Variants in PCLO observed in about 807,000 individuals in gnomAD.
The protein encoded by PCLO is protein piccolo.
Under a neutral mutation model 427.5 loss-of-function variants are expected in PCLO, and 82 were observed. The observed-to-expected ratio is 0.19, with a 90% CI of 0.16 to 0.23. The LOEUF is 0.23. Ranked by LOEUF, PCLO falls within the 10% of genes least tolerant of loss-of-function variation. PCLO has a pLI of 1.00. For missense variants in PCLO, 6,239 were observed against 6,115.9 expected (o/e 1.02, Z -0.67); for synonymous variants, 2,357 against 2,155.4 (o/e 1.09, Z -2.59).
At chr7:83,007,977 T>C (rs1162064215) in intron 3 of PCLO, among the ~76,000 whole-genome samples, 5 of 151,696 alleles carry the variant, frequency 3.3e-5, no homozygotes, top group Admixed American at 2.6e-4. Flanking sequence ...CAGAATGATA[T>C]ATAATAAAAA....
intron 13 of PCLO, 64 bp from the exon 14 acceptor site, chr7:82,841,573 G>A: frequency 9.7e-7 from 1 of 1,027,524 alleles, no homozygotes; most frequent in South Asian, 1.4e-5. Context: ...TATCATTTCG[G>A]CTTCCTTCTG....
Position 82,954,463 on chromosome 7 carries a change from A to C in PCLO, c.6490T>G (p.Leu2164Val). Residue 2164 changes from leucine to valine, a missense_variant, in exon 5 of 25, where the codon TTG becomes GTG. This residue lies in a region of PCLO where 4,677 missense variants were observed against 4,468.4 expected (regional missense o/e 1.05). Transcript: ENST00000333891. ...QEIIAHESLI[L>V]TYSEPSESAT... ...CTTTCTGAAGGCTCCGAGTAGGTCA[A>C]AATCAGCGATTCATGGGCAATTATC... The C allele has an allele frequency of 6.2e-7, 1 of 1,614,004 alleles. No individual in the cohort carries two copies. The highest frequency in any genetic ancestry group is 8.5e-7 in the Non-Finnish European group (1 of 1,179,872).
chr7:82,995,334 A>G (rs1403945675), intron 3 of PCLO, among the ~76,000 whole-genome samples: 1 of 152,030 alleles, frequency 6.6e-6, no homozygotes, highest in Non-Finnish European at 1.5e-5. Flanking sequence ...AGAAGAGAGT[A>G]AAAGAGGAAT....
chr7:83,160,564 A>G (rs1792409925), intron 1 of PCLO, among the ~76,000 whole-genome samples: 1 of 152,064 alleles, frequency 6.6e-6, no homozygotes, highest in African/African-American at 2.4e-5. Flanking sequence ...ATTTTTTAGT[A>G]TTTGGATGAA....
chr7:82,965,156 A>T (rs1795735337), intron 4 of PCLO, among the ~76,000 whole-genome samples: 1 of 152,170 alleles, frequency 6.6e-6, no homozygotes, highest in South Asian at 2.1e-4. Flanking sequence ...CTGATTATAA[A>T]TAACCTTTCA....
intron 3 of PCLO, among the ~76,000 whole-genome samples, chr7:82,983,507 A>T (rs1049678564): frequency 1.3e-5 from 2 of 150,762 alleles, no homozygotes; most frequent in African/African-American, 4.8e-5. Flanking sequence ...GGAATGTTAT[A>T]AATGTTAACA....
At chr7:83,125,170 C>T (rs911530423) in intron 3 of PCLO, among the ~76,000 whole-genome samples, 1 of 152,110 alleles carries the variant, frequency 6.6e-6, no homozygotes, top group Non-Finnish European at 1.5e-5. Flanking sequence ...TCTGCCCGGC[C>T]GCCACCCCGT....
chr7:83,139,090 G>A (rs922913153), intron 2 of PCLO, among the ~76,000 whole-genome samples: 23 of 151,894 alleles, frequency 1.5e-4, no homozygotes, highest in African/African-American at 4.4e-4. Flanking sequence ...TTAAAGCCTC[G>A]TCATATTTTC....
At chr7:83,071,634 AT>A (rs1207247865) in intron 3 of PCLO, among the ~76,000 whole-genome samples, 1 of 152,144 alleles carries the variant, frequency 6.6e-6, no homozygotes, top group East Asian at 1.9e-4. Flanking sequence ...TAATTAGACA[AT>A]AATCAAATGC....
chr7:82,916,000 T>C lies in PCLO; in HGVS notation c.11986A>G (p.Thr3996Ala), dbSNP rs1205109267. Reference protein sequence around the residue: ...LMIAPVSTDNTFAVSHLGSKY... With the variant: ...LMIAPVSTDNAFAVSHLGSKY... ...CTACCAAGATGGGAAACAGCAAATG[T>C]GTTATCCGTAGAAACAGGTGCTATC... Residue 3996 changes from threonine (T) to alanine (A), a missense_variant, in exon 7 of 25, where the codon ACA becomes GCA. Coordinates refer to ENST00000333891, the MANE Select transcript of PCLO (RefSeq NM_033026.6). 3.7e-6 allele frequency: 6 copies of C among 1,612,830 alleles called. No homozygotes were observed. The South Asian group carries it at 5.5e-5, about 15-fold the overall frequency.
At chr7:82,943,680 G>A (rs1795135579) in intron 6 of PCLO, among the ~76,000 whole-genome samples, 1 of 152,016 alleles carries the variant, frequency 6.6e-6, no homozygotes, top group Non-Finnish European at 1.5e-5. Flanking sequence ...CAGTCTCATT[G>A]TGCAGAAGAA....
chr7:83,112,937 T>G lies in PCLO; in HGVS notation c.3300+21313A>C, dbSNP rs149300849. ...TCCATTTGTCCTCTAACATCAAAAT[T>G]CATTTCATTAAGCAGCTTAACTCTT... On this transcript the variant is annotated intron_variant, in intron 3 of 24. Coordinates refer to ENST00000333891, the MANE Select transcript of PCLO (RefSeq NM_033026.6). Among the ~76,000 whole-genome samples, 661 of 152,284 alleles carry G rather than the reference T, an allele frequency of 4.3e-3. 3 individuals are homozygous for G. The highest frequency in any genetic ancestry group is 0.015 in the African/African-American group (642 of 41,566).
At chr7:82,771,963 G>A (rs1360917069) in intron 22 of PCLO, among the ~76,000 whole-genome samples, 2 of 152,054 alleles carry the variant, frequency 1.3e-5, no homozygotes, top group Middle Eastern at 3.4e-3. Context: ...TTTGTTTTAT[G>A]TAGGGAGTTA....
rs758863814 is a variant in PCLO at position 83,135,565 on chromosome 7, T to C, written c.1985A>G (p.Lys662Arg). 10 of 1,613,614 alleles carry C rather than the reference T, an allele frequency of 6.2e-6. No homozygotes were observed. The South Asian group carries it at 1.1e-4, about 18-fold the overall frequency. Residue 662 changes from lysine to arginine, a missense_variant, in exon 3 of 25, where the codon AAG becomes AGG. Coordinates refer to ENST00000333891, the MANE Select transcript of PCLO (RefSeq NM_033026.6). ...PVPSSPQPKL[K>R]TAPVTTTSAV... Reference sequence around the variant, plus strand: ...TGATGTAGTGGTAACAGGTGCAGTCTTCAGTTTGGGCTGGGGTGATGACGG... The same window carrying C: ...TGATGTAGTGGTAACAGGTGCAGTCCTCAGTTTGGGCTGGGGTGATGACGG...
chr7:82,937,924 C>T (rs1288306786), intron 6 of PCLO, among the ~76,000 whole-genome samples: 1 of 151,864 alleles, frequency 6.6e-6, no homozygotes, highest in Non-Finnish European at 1.5e-5. Flanking sequence ...GGTATCTCCA[C>T]ATTAGATTCC....
intron 3 of PCLO, among the ~76,000 whole-genome samples, chr7:83,107,932 T>C (rs1790903288): frequency 7.4e-6 from 1 of 135,118 alleles, no homozygotes; most frequent in Non-Finnish European, 1.5e-5. Flanking sequence ...GAAGATGCAG[T>C]GAGCCAAGAT....
At chr7:83,078,705 G>A (rs762460810) in intron 3 of PCLO, among the ~76,000 whole-genome samples, 5 of 151,776 alleles carry the variant, frequency 3.3e-5, no homozygotes, top group African/African-American at 9.7e-5. Flanking sequence ...CTAATTTTTC[G>A]TATTTTAGTA....
intron 10 of PCLO, among the ~76,000 whole-genome samples, chr7:82,874,180 T>G (rs987345975): frequency 3.9e-5 from 6 of 152,070 alleles, no homozygotes; most frequent in African/African-American, 9.7e-5. Context: ...AGGTTTTTTT[T>G]TTTTAAATCA....
At chr7:83,001,392 T>G (rs1055320145) in intron 3 of PCLO, among the ~76,000 whole-genome samples, 1 of 151,878 alleles carries the variant, frequency 6.6e-6, no homozygotes, top group Admixed American at 6.6e-5. Flanking sequence ...CAGAAAAATC[T>G]TCATGACTAA....
Sources: gnomAD v4.1 joint callset for allele counts (sites outside exome capture counted in the v4.1 genomes callset) on GRCh38, gnomAD v4.1.1 for gene constraint, gnomAD v4.1.1 regional missense constraint, MANE v1.5 for transcripts, NCBI Gene and HGNC (gene_info 2026-07-23, HGNC 2026-07-21) for gene names.